Variants in KCNH1 observed in about 807,000 individuals in gnomAD.
The protein encoded by KCNH1 is potassium voltage-gated channel subfamily H member 1.
KCNH1 carries 27 observed loss-of-function variants against 69.2 expected under a neutral mutation model. The observed-to-expected ratio is 0.39, with a 90% confidence interval of 0.29 to 0.54. The LOEUF (loss-of-function observed/expected upper bound fraction) is 0.54. KCNH1 is among the 20% of genes least tolerant of loss of function. The pLI, the probability that KCNH1 is intolerant of heterozygous loss-of-function variation, is 0.68. For synonymous variants in KCNH1, 456 were observed against 487.7 expected (o/e 0.93, Z 0.86); for missense variants, 798 against 1,261.6 (o/e 0.63, Z 5.57).
At chr1:211,078,362 G>A (rs768520579) in intron 5 of KCNH1, among the ~76,000 whole-genome samples, 5 of 152,104 alleles carry the variant, frequency 3.3e-5, no homozygotes, top group Admixed American at 6.5e-5. Flanking sequence ...TGACCACACA[G>A]TTGGAAGTAA....
Position 210,768,229 on chromosome 1 carries a change from A to G in KCNH1, c.2112+7119T>C, listed in dbSNP as rs777395926. ...CATTATCATCGTCTTCTTTATCATA[A>G]TTATAGCCATATAAACATTGAAAAT... is the stretch of plus-strand genomic sequence containing the variant. On this transcript the variant is annotated intron_variant, in intron 10 of 10. Coordinates refer to ENST00000271751, the MANE Select transcript of KCNH1 (RefSeq NM_172362.3). Among the ~76,000 whole-genome samples, 3 of 152,170 alleles carry G rather than the reference A, an allele frequency of 2.0e-5. No homozygotes were observed. In the East Asian group the frequency reaches 5.8e-4, roughly 29 times the overall value.
intron 9 of KCNH1, among the ~76,000 whole-genome samples, chr1:210,781,806 T>A (rs1296318008): frequency 6.6e-6 from 1 of 152,238 alleles, no homozygotes; most frequent in African/African-American, 2.4e-5. Flanking sequence ...AAGAACTTGA[T>A]CATCTATTCT....
chr1:210,690,502 G>T (rs1240558737), intron 10 of KCNH1, among the ~76,000 whole-genome samples: 1 of 152,124 alleles, frequency 6.6e-6, no homozygotes, highest in African/African-American at 2.4e-5. Flanking sequence ...CACCCTGCCT[G>T]GTTTTATGGC....
intron 1 of KCNH1, among the ~76,000 whole-genome samples, chr1:211,115,292 A>G (rs927229151): frequency 5.9e-5 from 9 of 152,288 alleles, no homozygotes; most frequent in Admixed American, 2.6e-4. Context: ...CCTAGCAAGA[A>G]TTAATATCGT....
intron 10 of KCNH1, among the ~76,000 whole-genome samples, chr1:210,706,301 G>A (rs1315470904): frequency 6.6e-6 from 1 of 152,240 alleles, no homozygotes; most frequent in East Asian, 1.9e-4. Flanking sequence ...GCATTCTACA[G>A]AGGGCTTGCT....
intron 10 of KCNH1, among the ~76,000 whole-genome samples, chr1:210,692,829 G>A (rs566982527): frequency 6.6e-6 from 1 of 152,316 alleles, no homozygotes; most frequent in South Asian, 2.1e-4. Flanking sequence ...AACCAAGGCA[G>A]TAGACAACTT....
intron 6 of KCNH1, among the ~76,000 whole-genome samples, chr1:211,010,486 C>A (rs1180540115): frequency 6.6e-6 from 1 of 152,178 alleles, no homozygotes; most frequent in African/African-American, 2.4e-5. Context: ...GCCTTCTTCC[C>A]TCCCCCAGTG....
chr1:210,880,889 A>C (rs1686478625), intron 7 of KCNH1, among the ~76,000 whole-genome samples: 1 of 152,200 alleles, frequency 6.6e-6, no homozygotes, highest in South Asian at 2.1e-4. Context: ...ATAAAAATAA[A>C]ATCTGATTTT....
At chr1:210,777,962 A>C (rs1304770540) in intron 9 of KCNH1, among the ~76,000 whole-genome samples, 1 of 152,142 alleles carries the variant, frequency 6.6e-6, no homozygotes, top group Non-Finnish European at 1.5e-5. Flanking sequence ...CACTTAGAAC[A>C]CTCATTCTTG....
At chr1:210,856,898 T>TATATAA (rs1410330503) in intron 7 of KCNH1, among the ~76,000 whole-genome samples, 60 of 121,408 alleles carry the variant, frequency 4.9e-4, no homozygotes, top group Middle Eastern at 3.8e-3. Context: ...TATATATATA[T>TATATAA]AAAATACTCA....
chr1:210,860,948 T>G, intron 7 of KCNH1: 1 of 964,460 alleles, frequency 1.0e-6, no homozygotes, highest in Non-Finnish European at 1.7e-6. Context: ...ATCTTTTTCT[T>G]CAGAAGTGTT....
At position 210,775,406 on chromosome 1, in the gene KCNH1, G is replaced by C; in HGVS notation, c.2054C>G (p.Thr685Arg). ...DALQKVLEFY[T>R]AFSHSFSRNL... The stretch of plus-strand genomic sequence containing the variant: ...CCGGGAGAAGGAATGGGAGAAGGCC[G>C]TGTAGAATTCCAGCACTTTCTGCAG... Residue 685 changes from threonine to arginine, a missense_variant, in exon 10 of 11, where the codon ACG becomes AGG. Transcript: ENST00000271751. The C allele has an allele frequency of 6.2e-7, 1 of 1,614,130 alleles. No individual in the cohort carries two copies. Among genetic ancestry groups the C allele is most frequent in the Non-Finnish European group, 8.5e-7 (1 of 1,179,986 alleles).
chr1:210,958,494 T>C (rs951209649), intron 6 of KCNH1, among the ~76,000 whole-genome samples: 5 of 152,242 alleles, frequency 3.3e-5, no homozygotes, highest in Non-Finnish European at 7.3e-5. Flanking sequence ...GATAATATCC[T>C]GCAGAGTGTT....
chr1:211,109,332 G>T (rs1691417532), intron 1 of KCNH1, among the ~76,000 whole-genome samples: 1 of 152,210 alleles, frequency 6.6e-6, no homozygotes. Flanking sequence ...GAAGGATCTG[G>T]AATGAATAAA....
intron 10 of KCNH1, among the ~76,000 whole-genome samples, chr1:210,724,015 A>G (rs1682534069): frequency 6.6e-6 from 1 of 152,202 alleles, no homozygotes; most frequent in Non-Finnish European, 1.5e-5. Context: ...CAAGGTTACC[A>G]GCTTACATGG....
chr1:210,907,323 A>C (rs1687122728), intron 7 of KCNH1, among the ~76,000 whole-genome samples: 1 of 152,132 alleles, frequency 6.6e-6, no homozygotes. Context: ...GGAAGCATGA[A>C]GTTTGGTCCA....
chr1:210,702,286 T>G (rs1032665830), intron 10 of KCNH1, among the ~76,000 whole-genome samples: 6 of 152,178 alleles, frequency 3.9e-5, no homozygotes, highest in Non-Finnish European at 8.8e-5. Flanking sequence ...TGAAAAGTGT[T>G]CTTATATTAT....
intron 6 of KCNH1, among the ~76,000 whole-genome samples, chr1:210,922,093 AC>A (rs1291568674): frequency 2.6e-5 from 4 of 151,872 alleles, no homozygotes; most frequent in Non-Finnish European, 5.9e-5. Context: ...TAAAAAAAAA[AC>A]TGACGGGCCA....
chr1:210,857,200 CT>C (rs753814747), intron 7 of KCNH1, among the ~76,000 whole-genome samples: 1 of 152,006 alleles, frequency 6.6e-6, no homozygotes, highest in Non-Finnish European at 1.5e-5. Flanking sequence ...ACACCAGCGA[CT>C]ACACGTTTAG....
Sources: gnomAD v4.1 joint callset for allele counts (sites outside exome capture counted in the v4.1 genomes callset) on GRCh38, gnomAD v4.1.1 for gene constraint, MANE v1.5 for transcripts, NCBI Gene and HGNC (gene_info 2026-07-23, HGNC 2026-07-21) for gene names.